Variants in GBE1 observed in about 807,000 individuals in gnomAD.
GBE1 encodes the protein 1,4-alpha-glucan branching enzyme 1.
In GBE1, 70 loss-of-function variants were observed where a neutral mutation model predicts 88.8. The observed-to-expected ratio is 0.79, with a 90% confidence interval of 0.65 to 0.96. The LOEUF (loss-of-function observed/expected upper bound fraction) is 0.96, where lower values mean the gene tolerates loss of function less well. Among genes scored for constraint, GBE1 ranks in the 40% least tolerant of loss-of-function variants. GBE1 has a pLI of 0.00. For missense variants in GBE1, 872 were observed against 871.0 expected (o/e 1.00, Z -0.01); for synonymous variants, 284 against 300.1 (o/e 0.95, Z 0.56).
chr3:81,607,082 T>C (rs1455933916), intron 7 of GBE1, among the ~76,000 whole-genome samples: 1 of 152,210 alleles, frequency 6.6e-6, no homozygotes, highest in East Asian at 1.9e-4. Flanking sequence ...ATTCACTTCA[T>C]TTTGGTCAAT....
At chr3:81,604,444 G>A (rs936638259) in intron 7 of GBE1, among the ~76,000 whole-genome samples, 2 of 151,494 alleles carry the variant, frequency 1.3e-5, no homozygotes, top group African/African-American at 2.4e-5. Context: ...GCACCACGAC[G>A]CCAGGCTAAT....
At chr3:81,526,774 C>T (rs1200395968) in intron 14 of GBE1, among the ~76,000 whole-genome samples, 2 of 152,036 alleles carry the variant, frequency 1.3e-5, no homozygotes, top group Non-Finnish European at 2.9e-5. Flanking sequence ...GAATCAATAT[C>T]ATGAAAATGG....
At chr3:81,594,762 T>G (rs976187281) in intron 7 of GBE1, among the ~76,000 whole-genome samples, 1 of 152,012 alleles carries the variant, frequency 6.6e-6, no homozygotes, top group African/African-American at 2.4e-5. Flanking sequence ...GTAACTCAAT[T>G]AAAAACACCA....
intron 12 of GBE1, among the ~76,000 whole-genome samples, chr3:81,544,929 A>G (rs1277622288): frequency 6.6e-6 from 1 of 152,142 alleles, no homozygotes; most frequent in African/African-American, 2.4e-5. Flanking sequence ...AATGCATACT[A>G]ATTTTACCTA....
At chr3:81,710,102 G>A (rs1705838510) in intron 1 of GBE1, among the ~76,000 whole-genome samples, 1 of 152,022 alleles carries the variant, frequency 6.6e-6, no homozygotes, top group South Asian at 2.1e-4. Context: ...GATCAAGAAG[G>A]TAATAAGCAA....
At chr3:81,756,970 C>A (rs1706612208) in intron 1 of GBE1, among the ~76,000 whole-genome samples, 1 of 152,178 alleles carries the variant, frequency 6.6e-6, no homozygotes, top group Non-Finnish European at 1.5e-5. Context: ...CCCACTCCTA[C>A]TAAGCTAAAT....
At chr3:81,538,505 G>C (rs1229249643) in intron 12 of GBE1, among the ~76,000 whole-genome samples, 1 of 151,936 alleles carries the variant, frequency 6.6e-6, no homozygotes, top group Non-Finnish European at 1.5e-5. Flanking sequence ...TGTCATAGCA[G>C]AGAGCCGACT....
chr3:81,532,978 G>A (rs953325280), intron 14 of GBE1, among the ~76,000 whole-genome samples: 1 of 151,744 alleles, frequency 6.6e-6, no homozygotes, highest in Admixed American at 6.6e-5. Flanking sequence ...CTTGTCCTCT[G>A]TTCTCCCATG....
chr3:81,690,275 G>A (rs375696447), intron 2 of GBE1, among the ~76,000 whole-genome samples: 92 of 152,264 alleles, frequency 6.0e-4, no homozygotes, highest in African/African-American at 2.0e-3. Flanking sequence ...TCCCCTCAGC[G>A]CTAACACTGT....
intron 7 of GBE1, among the ~76,000 whole-genome samples, chr3:81,607,314 G>T (rs1411871570): frequency 6.6e-6 from 1 of 152,134 alleles, no homozygotes; most frequent in Non-Finnish European, 1.5e-5. Flanking sequence ...ACTTTGGGAG[G>T]CCAAGGTGGG....
intron 2 of GBE1, among the ~76,000 whole-genome samples, chr3:81,671,969 A>G (rs772460621): frequency 3.3e-5 from 5 of 152,036 alleles, no homozygotes; most frequent in Admixed American, 2.0e-4. Flanking sequence ...GAGACAAAGA[A>G]AACAAATCAA....
At chr3:81,735,691 C>T (rs1276261213) in intron 1 of GBE1, among the ~76,000 whole-genome samples, 1 of 152,154 alleles carries the variant, frequency 6.6e-6, no homozygotes, top group Non-Finnish European at 1.5e-5. Flanking sequence ...CAGTAAACAG[C>T]AAGTCCCTTT....
intron 6 of GBE1, among the ~76,000 whole-genome samples, chr3:81,645,501 A>C (rs1379419747): frequency 6.6e-6 from 1 of 152,196 alleles, no homozygotes; most frequent in Admixed American, 6.5e-5. Context: ...TTCAGTAAAG[A>C]GGCAGACCGC....
chr3:81,615,500 A>C (rs1006871851), intron 7 of GBE1, among the ~76,000 whole-genome samples: 13 of 152,230 alleles, frequency 8.5e-5, no homozygotes, highest in African/African-American at 3.1e-4. Flanking sequence ...TTGTCACTAC[A>C]AGAATGATAA....
chr3:81,677,184 T>C (rs888040159), intron 2 of GBE1, among the ~76,000 whole-genome samples: 4 of 152,164 alleles, frequency 2.6e-5, no homozygotes, highest in Non-Finnish European at 4.4e-5. Context: ...ATTTAGTATG[T>C]AGGGCCTTCC....
At chr3:81,553,330 A>T (rs112586388) in intron 12 of GBE1, among the ~76,000 whole-genome samples, 3,601 of 147,268 alleles carry the variant, frequency 0.024, 154 homozygotes, top group African/African-American at 0.088. Flanking sequence ...TTGCACTTGG[A>T]TATATATTTT....
chr3:81,518,258 A>G (rs748023929), intron 14 of GBE1, among the ~76,000 whole-genome samples: 4 of 151,460 alleles, frequency 2.6e-5, no homozygotes, highest in Non-Finnish European at 4.4e-5. Context: ...TGAAGAGACC[A>G]TCATTGCACA....
chr3:81,752,086 T>C (rs1414128412), intron 1 of GBE1, among the ~76,000 whole-genome samples: 1 of 152,238 alleles, frequency 6.6e-6, no homozygotes, highest in Non-Finnish European at 1.5e-5. Flanking sequence ...AAATTAATCA[T>C]TCAATGGATC....
chr3:81,736,269 TTCC>T (rs1422045223), intron 1 of GBE1, among the ~76,000 whole-genome samples: 1 of 152,164 alleles, frequency 6.6e-6, no homozygotes, highest in African/African-American at 2.4e-5. Flanking sequence ...CCATTTCACT[TTCC>T]TCCTACCTGC....
Sources: gnomAD v4.1 joint callset for allele counts (sites outside exome capture counted in the v4.1 genomes callset) on GRCh38, gnomAD v4.1.1 for gene constraint, MANE v1.5 for transcripts, NCBI Gene and HGNC (gene_info 2026-07-23, HGNC 2026-07-21) for gene names.